ADAP1: variants seen among roughly 807,000 people sequenced by gnomAD.
The protein encoded by ADAP1 is ArfGAP with dual PH domains 1.
ADAP1 carries 31 observed loss-of-function variants against 54.9 expected under a neutral mutation model. The observed-to-expected ratio is 0.56, with a 90% CI of 0.42 to 0.76. The LOEUF (loss-of-function observed/expected upper bound fraction) is 0.76, where lower values mean the gene tolerates loss of function less well. Ranked by LOEUF, ADAP1 falls within the 30% of genes least tolerant of loss-of-function variation. The probability of loss-of-function intolerance (pLI) is 0.00; values close to 1 mark genes in which losing one functional copy is unlikely to be tolerated. For synonymous variants in ADAP1, 313 were observed against 202.6 expected (o/e 1.55, Z -4.63); for missense variants, 535 against 512.4 (o/e 1.04, Z -0.42).
At position 935,429 on chromosome 7, in the gene ADAP1, C is replaced by T. The variant is rs372856564; in HGVS notation, c.159G>A (p.Gln53=). Residue 53 remains glutamine, a synonymous_variant, in exon 2 of 11, where the codon CAG becomes CAA. Coordinates refer to ENST00000265846, the MANE Select transcript of ADAP1 (RefSeq NM_006869.4). ...GGCGGACGGACTTCACCTTGCTGAC[C>T]TGGGGGATATTCCGGTGGATTCCCG... ...SCSGIHRNIP[Q]VSKVKSVRLD... The T allele has an allele frequency of 1.5e-5, 24 of 1,561,100 alleles. No individual in the cohort carries two copies. The highest frequency in any genetic ancestry group is 2.1e-5 in the Non-Finnish European group (24 of 1,152,524).
At chr7:951,455 G>C (rs550981105) in intron 1 of ADAP1, among the ~76,000 whole-genome samples, 2 of 152,066 alleles carry the variant, frequency 1.3e-5, no homozygotes, top group Non-Finnish European at 2.9e-5. Flanking sequence ...CCCACACTCA[G>C]CAGCCTTCTT....
At chr7:916,788 G>A (rs1845951538) in intron 4 of ADAP1, among the ~76,000 whole-genome samples, 1 of 152,136 alleles carries the variant, frequency 6.6e-6, no homozygotes, top group Admixed American at 6.5e-5. Flanking sequence ...GAGGAGGGCA[G>A]AGCCGACAGG....
At chr7:952,806 C>T (rs369892905) in intron 1 of ADAP1, among the ~76,000 whole-genome samples, 6 of 152,160 alleles carry the variant, frequency 3.9e-5, no homozygotes, top group African/African-American at 1.2e-4. Flanking sequence ...GCCCTCTACC[C>T]GGCAGCGTGG....
chr7:906,784 C>CAGGGGACGGGGACAT (rs1562915670), intron 4 of ADAP1, among the ~76,000 whole-genome samples: 1 of 52,294 alleles, frequency 1.9e-5, no homozygotes, highest in African/African-American at 6.8e-5. Context: ...ACAGGGGACA[C>CAGGGGACGGGGACAT]GGGGGACGGG....
chr7:906,806 G>GGGAGACAC lies in ADAP1; in HGVS notation c.389-1635_389-1634insGTGTCTCC, dbSNP rs60640246. 6.1e-3 allele frequency among the ~76,000 whole-genome samples: 273 copies of GGGAGACAC among 44,462 alleles called. 38 individuals carry two copies. Among genetic ancestry groups the GGGAGACAC allele is most frequent in the African/African-American group, 0.023 (258 of 11,002 alleles). The allele number at this position is 44,462 out of a possible 152,430, so 29.2% of individuals were successfully genotyped here. On this transcript the variant is annotated intron_variant, in intron 4 of 10. Transcript: ENST00000265846. ...ACACGGGGGACGGGACAGGGGACAT[G>GGGAGACAC]GGGGGACATGGGTCAGATGGTGATG... is the stretch of plus-strand genomic sequence containing the variant.
Position 945,336 on chromosome 7 carries a change from A to G in ADAP1, c.82+9060T>C, listed in dbSNP as rs1017742649. ...GGAGCTGGTCTGACGCCCCAGCAGC[A>G]GGGCCCCCACAGGCCCACGCAGGAG... On this transcript the variant is annotated intron_variant, in intron 1 of 10. Transcript: ENST00000265846. This position sits in a 1 kb window ranked among gnomAD's most constrained non-coding sequence, Gnocchi z 4.2. Among the ~76,000 whole-genome samples, 6 of 152,178 alleles carry G rather than the reference A, an allele frequency of 3.9e-5. No individual in the cohort carries two copies. Among genetic ancestry groups the G allele is most frequent in the African/African-American group, 1.2e-4 (5 of 41,448 alleles).
intron 5 of ADAP1, 71 bp from the exon 6 acceptor site, chr7:904,343 C>A (rs1458245400): frequency 6.6e-7 from 1 of 1,508,506 alleles, no homozygotes; most frequent in Non-Finnish European, 8.9e-7. Context: ...GAAGGGCAGA[C>A]CCTGTGGGTG....
chr7:942,111 C>A (rs1318472952), intron 1 of ADAP1, among the ~76,000 whole-genome samples: 3 of 152,222 alleles, frequency 2.0e-5, no homozygotes, highest in Non-Finnish European at 4.4e-5. Flanking sequence ...CAGTAAACAA[C>A]CATCCCTCTC....
At position 938,633 on chromosome 7, in the gene ADAP1, G is replaced by A. The variant is rs1249742220; in HGVS notation, c.83-3128C>T. Among the ~76,000 whole-genome samples, 1 of 152,198 alleles carries A rather than the reference G, an allele frequency of 6.6e-6. No homozygotes were observed. Among genetic ancestry groups the A allele is most frequent in the African/African-American group, 2.4e-5 (1 of 41,444 alleles). On this transcript the variant is annotated intron_variant, in intron 1 of 10. Transcript: ENST00000265846. This position sits in a 1 kb window ranked among gnomAD's most constrained non-coding sequence, Gnocchi z 4.4. ...GCAAATGCTCGGTACGTGGCTGTGC[G>A]AGGGGCGCCCAGAAGGCACGCCAGT...
intron 2 of ADAP1, among the ~76,000 whole-genome samples, chr7:929,632 T>C (rs1461835036): frequency 1.3e-5 from 2 of 151,328 alleles, no homozygotes; most frequent in East Asian, 3.9e-4. Flanking sequence ...CAGTAACGGC[T>C]GGGGCGGTGG....
intron 4 of ADAP1, among the ~76,000 whole-genome samples, chr7:910,720 C>T (rs1446442931): frequency 3.3e-5 from 5 of 152,220 alleles, no homozygotes; most frequent in African/African-American, 9.6e-5. Context: ...GTGGTGGACC[C>T]TCTGGGGTGG....
intron 3 of ADAP1, among the ~76,000 whole-genome samples, chr7:924,916 G>A (rs1198902156): frequency 3.3e-5 from 5 of 152,168 alleles, no homozygotes; most frequent in Non-Finnish European, 7.3e-5. Context: ...GGCCAGGGCA[G>A]GGTTCCCCTG....
At chr7:907,513 A>G (rs1845521492) in intron 4 of ADAP1, among the ~76,000 whole-genome samples, 3 of 152,070 alleles carry the variant, frequency 2.0e-5, no homozygotes, top group Non-Finnish European at 4.4e-5. Context: ...GTGTGGCTTC[A>G]CGTCACTGAG....
At chr7:902,851 C>A (rs755459741) in intron 6 of ADAP1, among the ~76,000 whole-genome samples, 1 of 152,152 alleles carries the variant, frequency 6.6e-6, no homozygotes, top group African/African-American at 2.4e-5. Flanking sequence ...TGGAGGAATC[C>A]GTGGTGCAAA....
At chr7:915,299 C>T (rs772107417) in intron 4 of ADAP1, among the ~76,000 whole-genome samples, 7 of 152,148 alleles carry the variant, frequency 4.6e-5, no homozygotes, top group African/African-American at 1.2e-4. Context: ...GTACCTCACC[C>T]GTGCCTCATG....
chr7:905,317 A>G (rs111891420), intron 4 of ADAP1, 145 bp from the exon 5 acceptor site: 83 of 400,506 alleles, frequency 2.1e-4, no homozygotes, highest in African/African-American at 4.0e-4. Context: ...ACGGACGGGG[A>G]GAGGGGACAT....
In ADAP1 at chr7:926,753, T is replaced by A; in HGVS notation, c.214-109A>T. The A allele has an allele frequency of 1.1e-6, 1 of 905,212 alleles. No individual in the cohort carries two copies. Among genetic ancestry groups the A allele is most frequent in the Non-Finnish European group, 1.6e-6 (1 of 621,892 alleles). 56.1% of individuals were successfully genotyped at this position (905,212 alleles called of 1,614,324 possible). On this transcript the variant is annotated intron_variant, in intron 2 of 10. Transcript: ENST00000265846. The surrounding 1 kb of genome is among the most constrained non-coding windows in gnomAD (Gnocchi z 4.6). ...ACAGTGACCCGCAGACCCAAGGCTC[T>A]GAGGGCTCCACCAGCACCAGGACGG...
At position 904,967 on chromosome 7, in the gene ADAP1, C is replaced by T. The variant is rs2128094668; in HGVS notation, c.501+93G>A. ...TCGGGGGGGGCAGCAGGGAGGGCAGCTGCGGATGGACGCGGCCACCACAGG... is the reference window on the plus strand; with the variant it reads ...TCGGGGGGGGCAGCAGGGAGGGCAGTTGCGGATGGACGCGGCCACCACAGG... On this transcript the variant is annotated intron_variant, in intron 5 of 10. Coordinates refer to ENST00000265846, the MANE Select transcript of ADAP1 (RefSeq NM_006869.4). 9 of 1,114,934 alleles carry T rather than the reference C, an allele frequency of 8.1e-6. No individual in the cohort carries two copies. In the South Asian group the frequency reaches 1.2e-4, roughly 14 times the overall value. 69.1% of individuals were successfully genotyped at this position (1,114,934 alleles called of 1,614,324 possible).
chr7:916,763 G>T (rs1045742613), intron 4 of ADAP1, among the ~76,000 whole-genome samples: 1 of 152,152 alleles, frequency 6.6e-6, no homozygotes, highest in Non-Finnish European at 1.5e-5. Context: ...GGTTGGGGGG[G>T]CAGGAGCTGC....
Sources: gnomAD v4.1 joint callset for allele counts (sites outside exome capture counted in the v4.1 genomes callset) on GRCh38, gnomAD v4.1.1 for gene constraint, Gnocchi (gnomAD v3.1) non-coding constraint, MANE v1.5 for transcripts, NCBI Gene and HGNC (gene_info 2026-07-23, HGNC 2026-07-21) for gene names.